Variants in DISC1 observed in about 807,000 individuals in gnomAD.
DISC1 encodes the protein disrupted in schizophrenia 1 protein.
A neutral mutation model predicts 84.5 loss-of-function variants in DISC1; 57 were observed. The ratio of observed to expected loss-of-function variants is 0.67; its 90% CI spans 0.55 to 0.84. The LOEUF is 0.84. Ranked by LOEUF, DISC1 falls within the 40% of genes least tolerant of loss-of-function variation. DISC1 has a pLI of 0.00. For missense variants in DISC1, 1,000 were observed against 1,057.8 expected (o/e 0.95, Z 0.76); for synonymous variants, 411 against 415.2 (o/e 0.99, Z 0.12).
intron 9 of DISC1, among the ~76,000 whole-genome samples, chr1:231,865,723 T>A (rs1043486439): frequency 2.0e-5 from 3 of 152,338 alleles, no homozygotes; most frequent in Non-Finnish European, 4.4e-5. Flanking sequence ...TGTGATACGA[T>A]ATTTTCTTTA....
intron 10 of DISC1, among the ~76,000 whole-genome samples, chr1:232,001,139 C>T (rs1035576389): frequency 1.5e-4 from 23 of 152,078 alleles, no homozygotes; most frequent in African/African-American, 3.9e-4. Flanking sequence ...AGTGCAGTGG[C>T]GTGATCTTGG....
At chr1:231,728,447 A>ACCAGGAGTTCCCATCTGGGT (rs1411797366) in intron 3 of DISC1, among the ~76,000 whole-genome samples, 4 of 152,124 alleles carry the variant, frequency 2.6e-5, no homozygotes, top group African/African-American at 4.8e-5. Context: ...GATAGCACCT[A>ACCAGGAGTTCCCATCTGGGT]CCAGGAGTTC....
chr1:231,737,804 A>C (rs920563492), intron 3 of DISC1, among the ~76,000 whole-genome samples: 1 of 152,238 alleles, frequency 6.6e-6, no homozygotes, highest in African/African-American at 2.4e-5. Flanking sequence ...AGCTGGATAC[A>C]TACGCCCGTT....
chr1:231,627,813 G>A (rs758119861), intron 1 of DISC1, among the ~76,000 whole-genome samples: 4 of 152,174 alleles, frequency 2.6e-5, no homozygotes, highest in African/African-American at 7.2e-5. Context: ...TCCATGTGTC[G>A]TTAGGTTTGT....
chr1:231,997,062 A>G (rs533690805), intron 10 of DISC1, among the ~76,000 whole-genome samples: 4 of 152,108 alleles, frequency 2.6e-5, no homozygotes, highest in Admixed American at 6.5e-5. Flanking sequence ...AGCTTGATGA[A>G]ATTATTATGT....
At position 232,037,970 on chromosome 1, in the gene DISC1, T is replaced by TCAGGCAGTG. The variant is rs1670626532; in HGVS notation, c.*1142_*1143insGCAGTGCAG. On this transcript the variant is annotated 3_prime_UTR_variant, in exon 13 of 13. Coordinates refer to ENST00000439617, the MANE Select transcript of DISC1 (RefSeq NM_018662.3). The stretch of plus-strand genomic sequence containing the variant: ...GCAGTACTCAGTAACAGTGCAGTAC[T>TCAGGCAGTG]CAGTAAGGCAGTGCAGTACTCAGTA... The TCAGGCAGTG allele has an allele frequency of 3.5e-5, 5 of 144,830 alleles. No individual in the cohort carries two copies. The highest frequency in any genetic ancestry group is 1.2e-4 in the African/African-American group (5 of 40,070). 9.0% of individuals were successfully genotyped at this position (144,830 alleles called of 1,614,324 possible).
intron 9 of DISC1, among the ~76,000 whole-genome samples, chr1:231,857,848 T>C (rs2084375521): frequency 6.6e-6 from 1 of 152,218 alleles, no homozygotes; most frequent in South Asian, 2.1e-4. Context: ...TTGGTTTCTA[T>C]GGCTGTGATT....
In DISC1 at chr1:231,882,888, C is replaced by T. The variant is rs187780487; in HGVS notation, c.1981+64371C>T. 9.2e-5 allele frequency among the ~76,000 whole-genome samples: 14 copies of T among 152,050 alleles called. 1 individual carries two copies. Among genetic ancestry groups the T allele is most frequent in the Admixed American group, 2.0e-4 (3 of 15,282 alleles). On this transcript the variant is annotated intron_variant, in intron 9 of 12. Coordinates refer to ENST00000439617, the MANE Select transcript of DISC1 (RefSeq NM_018662.3). ...GATGGGCCTGTAGGGATGTCTATGA[C>T]ACGCAGGATACAGGGCTGGGCACCT...
intron 3 of DISC1, among the ~76,000 whole-genome samples, chr1:231,740,599 A>G (rs2073128938): frequency 1.3e-5 from 2 of 152,176 alleles, no homozygotes; most frequent in Admixed American, 1.3e-4. Flanking sequence ...AAGATTTTGT[A>G]TTACAGGTTG....
intron 3 of DISC1, among the ~76,000 whole-genome samples, chr1:231,708,717 C>T (rs112143440): frequency 1.8e-4 from 28 of 152,304 alleles, no homozygotes; most frequent in African/African-American, 6.5e-4. Flanking sequence ...GGGTCTAGAG[C>T]ATTTTGTGTC....
At chr1:232,029,046 A>G (rs1227795811) in intron 12 of DISC1, among the ~76,000 whole-genome samples, 10 of 152,228 alleles carry the variant, frequency 6.6e-5, no homozygotes, top group African/African-American at 1.9e-4. Context: ...GCCATTGCCT[A>G]TAAGTAAATG....
At position 231,999,967 on chromosome 1, in the gene DISC1, T is replaced by G. The variant is rs369513314; in HGVS notation, c.2043-8818T>G. On this transcript the variant is annotated intron_variant, in intron 10 of 12. Coordinates refer to ENST00000439617, the MANE Select transcript of DISC1 (RefSeq NM_018662.3). Reference sequence around the variant, plus strand: ...ATAGAAAAGTAGGACGGGACCTGCATGATAAAGCTAAACAGAATTCCCTCA... The same window carrying G: ...ATAGAAAAGTAGGACGGGACCTGCAGGATAAAGCTAAACAGAATTCCCTCA... Among the ~76,000 whole-genome samples the G allele has an allele frequency of 2.6e-5, 4 of 152,210 alleles. No individual in the cohort carries two copies. The East Asian group carries it at 7.7e-4, about 29-fold the overall frequency.
intron 10 of DISC1, chr1:231,959,612 C>A (rs768309494): frequency 7.8e-6 from 5 of 637,866 alleles, no homozygotes; most frequent in Non-Finnish European, 9.8e-6. Flanking sequence ...TCTGCTAGGA[C>A]GCTGTCTTGA....
intron 10 of DISC1, among the ~76,000 whole-genome samples, chr1:231,964,869 G>T (rs1335033194): frequency 5.3e-5 from 8 of 152,200 alleles, no homozygotes; most frequent in Non-Finnish European, 1.2e-4. Context: ...GCGTTTCTTG[G>T]TCTTACAGGA....
At chr1:231,904,351 G>A (rs199799397) in intron 9 of DISC1, among the ~76,000 whole-genome samples, 1 of 151,838 alleles carries the variant, frequency 6.6e-6, no homozygotes, top group Non-Finnish European at 1.5e-5. Context: ...GAACAATTTA[G>A]CAATTTAGTC....
intron 9 of DISC1, among the ~76,000 whole-genome samples, chr1:231,824,322 A>T (rs1309441318): frequency 6.6e-6 from 1 of 152,148 alleles, no homozygotes; most frequent in Non-Finnish European, 1.5e-5. Flanking sequence ...GGTCATTTAG[A>T]TTTAAAAAAA....
At chr1:231,869,646 A>T (rs1355141706) in intron 9 of DISC1, among the ~76,000 whole-genome samples, 3 of 151,808 alleles carry the variant, frequency 2.0e-5, no homozygotes, top group Admixed American at 6.5e-5. Flanking sequence ...CTCTAGGGGA[A>T]CTAATAGAGT....
intron 10 of DISC1, among the ~76,000 whole-genome samples, chr1:231,971,688 C>T (rs1471589728): frequency 2.6e-5 from 4 of 152,134 alleles, no homozygotes; most frequent in Admixed American, 6.6e-5. Context: ...TTCTAAATCC[C>T]TTATCACAAC....
chr1:231,785,343 G>A (rs1343338175), intron 6 of DISC1, among the ~76,000 whole-genome samples: 4 of 151,346 alleles, frequency 2.6e-5, no homozygotes, highest in East Asian at 1.9e-4. Flanking sequence ...GCAGTGGTGC[G>A]ATCATAGCTC....
Sources: allele counts gnomAD v4.1 joint callset (sites outside exome capture counted in the v4.1 genomes callset), GRCh38; gene constraint gnomAD v4.1.1; transcripts MANE v1.5; gene names NCBI Gene and HGNC (gene_info 2026-07-23, HGNC 2026-07-21).